The following CA8 variants were observed in gnomAD, a reference collection of about 807,000 sequenced individuals.
The protein encoded by CA8 is carbonic anhydrase 8 (inactive).
Under a neutral mutation model 41.4 loss-of-function variants are expected in CA8, and 22 were observed. The ratio of observed to expected loss-of-function variants is 0.53; its 90% CI spans 0.38 to 0.76. The LOEUF (loss-of-function observed/expected upper bound fraction) is 0.76, where lower values mean the gene tolerates loss of function less well. Ranked by LOEUF, CA8 falls within the 30% of genes least tolerant of loss-of-function variation. The probability of loss-of-function intolerance (pLI) is 0.00; values close to 1 mark genes in which losing one functional copy is unlikely to be tolerated. For synonymous variants in CA8, 121 were observed against 130.6 expected, an observed-to-expected ratio of 0.93 and a Z score of 0.50; for missense variants, 270 against 352.8, an observed-to-expected ratio of 0.77 and a Z score of 1.88.
At chr8:60,201,152 G>C (rs955299590) in intron 8 of CA8, among the ~76,000 whole-genome samples, 33 of 152,224 alleles carry the variant, frequency 2.2e-4, no homozygotes, top group African/African-American at 6.8e-4. Context: ...AACTGGAAGA[G>C]AGGCAGGTCT....
intron 7 of CA8, among the ~76,000 whole-genome samples, chr8:60,218,124 G>A (rs1807088112): frequency 2.6e-5 from 4 of 152,094 alleles, no homozygotes; most frequent in Admixed American, 6.5e-5. Context: ...CTCCCTGCCA[G>A]ACACAAGCAT....
chr8:60,266,402 G>C (rs1226695102), intron 2 of CA8, among the ~76,000 whole-genome samples: 3 of 152,194 alleles, frequency 2.0e-5, no homozygotes, highest in Non-Finnish European at 4.4e-5. Context: ...AATATGGTTT[G>C]ACTCTCTGAC....
At chr8:60,269,038 A>G (rs1803986409) in intron 2 of CA8, among the ~76,000 whole-genome samples, 1 of 152,194 alleles carries the variant, frequency 6.6e-6, no homozygotes, top group Non-Finnish European at 1.5e-5. Context: ...AATAAACCAC[A>G]CTAAAGTCAT....
intron 3 of CA8, among the ~76,000 whole-genome samples, chr8:60,243,825 T>C (rs1427901266): frequency 6.6e-6 from 1 of 152,212 alleles, no homozygotes; most frequent in African/African-American, 2.4e-5. Context: ...GCTCCATTAC[T>C]GGTTCTCTTC....
At chr8:60,209,919 G>A (rs952990170) in intron 7 of CA8, among the ~76,000 whole-genome samples, 2 of 152,208 alleles carry the variant, frequency 1.3e-5, no homozygotes, top group African/African-American at 2.4e-5. Context: ...CCTGCCAGAC[G>A]TGACTCTCTG....
rs756129376 is a variant in CA8, at chr8:60,281,092, T to C, written c.56A>G (p.Asp19Gly). ...DTVAFPEKEE[D>G]EEEEEEGVEW... ...CACACCCTCCTCTTCTTCCTCCTCATCCTCTTCCTTCTCGGGGAAGGCGAC... is the reference window on the plus strand; with the variant it reads ...CACACCCTCCTCTTCTTCCTCCTCACCCTCTTCCTTCTCGGGGAAGGCGAC... The change falls in exon 1 of 9, where the codon GAT (aspartate) becomes GGT (glycine). Residue 19 changes from aspartate to glycine, a missense_variant. Around this residue, in one of 3 missense-constraint regions of CA8, gnomAD observed 123 missense variants for 136.8 expected, o/e 0.90. Transcript: ENST00000317995. 6.2e-7 allele frequency: 1 copy of C among 1,608,856 alleles called. No individual in the cohort carries two copies. Among genetic ancestry groups the C allele is most frequent in the Admixed American group, 1.7e-5 (1 of 59,810 alleles).
intron 3 of CA8, among the ~76,000 whole-genome samples, chr8:60,241,612 G>A (rs1808030686): frequency 6.6e-6 from 1 of 152,056 alleles, no homozygotes; most frequent in African/African-American, 2.4e-5. Context: ...GAAAAGCTTG[G>A]TGCAGTCATA....
intron 7 of CA8, among the ~76,000 whole-genome samples, chr8:60,209,301 C>T (rs568021693): frequency 3.9e-5 from 6 of 152,264 alleles, no homozygotes; most frequent in East Asian, 1.9e-4. Context: ...CTGATCAACA[C>T]GGTGAAACCC....
intron 7 of CA8, among the ~76,000 whole-genome samples, chr8:60,221,855 T>C (rs552401462): frequency 1.3e-5 from 2 of 152,288 alleles, no homozygotes; most frequent in South Asian, 4.1e-4. Context: ...CTTGAGCTTT[T>C]TAACTTCAAG....
At chr8:60,204,684 A>G (rs772351885) in intron 8 of CA8, among the ~76,000 whole-genome samples, 1 of 152,204 alleles carries the variant, frequency 6.6e-6, no homozygotes, top group Admixed American at 6.5e-5. Context: ...CAGTTGGAGG[A>G]AATTCTATGA....
chr8:60,247,162 C>T (rs1033954382), intron 3 of CA8, among the ~76,000 whole-genome samples: 4 of 152,094 alleles, frequency 2.6e-5, no homozygotes, highest in African/African-American at 4.8e-5. Flanking sequence ...GGATTACAGG[C>T]GTGAGCCACC....
intron 3 of CA8, among the ~76,000 whole-genome samples, chr8:60,246,495 G>A (rs954145861): frequency 6.6e-6 from 1 of 151,644 alleles, no homozygotes; most frequent in African/African-American, 2.4e-5. Flanking sequence ...GATGGGTTTC[G>A]CCATGTTGCT....
intron 2 of CA8, among the ~76,000 whole-genome samples, chr8:60,271,882 G>A (rs1183218725): frequency 6.8e-6 from 1 of 147,718 alleles, no homozygotes; most frequent in Non-Finnish European, 1.5e-5. Flanking sequence ...TAATTTGCCT[G>A]TGTACCTTAA....
chr8:60,204,966 C>G (rs556419478), intron 8 of CA8, among the ~76,000 whole-genome samples: 2 of 152,216 alleles, frequency 1.3e-5, no homozygotes, highest in Non-Finnish European at 2.9e-5. Flanking sequence ...TCAAAGAAGA[C>G]TGATATGAAA....
In CA8 at chr8:60,281,343, G is replaced by T. The variant is rs142782133; in HGVS notation, c.-196C>A. 6.6e-4 allele frequency: 383 copies of T among 582,882 alleles called. 1 individual carries two copies. In the African/African-American group the frequency reaches 6.7e-3, roughly 10 times the overall value. 36.1% of individuals were successfully genotyped at this position (582,882 alleles called of 1,614,324 possible). A position where few individuals can be genotyped will look rare whatever the true frequency, so the allele number is the denominator to read the frequency against. On this transcript the variant is annotated 5_prime_UTR_variant, in exon 1 of 9. Transcript: ENST00000317995. ...GTGCGTTCGGACCGAGTGTTCCAGA[G>T]ACCCGCGTGGGAAGCGCGTCCGGAG...
intron 3 of CA8, among the ~76,000 whole-genome samples, chr8:60,250,242 G>A (rs1808398405): frequency 6.6e-6 from 1 of 152,088 alleles, no homozygotes. Flanking sequence ...CTCATTCTCT[G>A]ACCTCTCTTC....
intron 7 of CA8, among the ~76,000 whole-genome samples, chr8:60,211,722 C>T (rs1806841743): frequency 6.6e-6 from 1 of 152,144 alleles, no homozygotes; most frequent in African/African-American, 2.4e-5. Context: ...TTTCTCTGAT[C>T]ACAGCAACAC....
intron 2 of CA8, among the ~76,000 whole-genome samples, chr8:60,273,107 T>G (rs1185755994): frequency 6.6e-6 from 1 of 152,228 alleles, no homozygotes; most frequent in Non-Finnish European, 1.5e-5. Flanking sequence ...CAAGTGAGTC[T>G]ATAATTCCCA....
At chr8:60,251,324 T>C (rs995136704) in intron 3 of CA8, among the ~76,000 whole-genome samples, 1 of 152,236 alleles carries the variant, frequency 6.6e-6, no homozygotes, top group East Asian at 1.9e-4. Context: ...ATCTACTCTT[T>C]TGCCCATCTT....
Sources: gnomAD v4.1 joint callset for allele counts (sites outside exome capture counted in the v4.1 genomes callset) on GRCh38, gnomAD v4.1.1 for gene constraint, gnomAD v4.1.1 regional missense constraint, MANE v1.5 for transcripts, NCBI Gene and HGNC (gene_info 2026-07-23, HGNC 2026-07-21) for gene names.